CACNA1C: variants seen among roughly 807,000 people sequenced by gnomAD.
The protein encoded by CACNA1C is calcium voltage-gated channel subunit alpha1 C.
CACNA1C carries 30 observed loss-of-function variants against 229.0 expected under a neutral mutation model. The ratio of observed to expected loss-of-function variants is 0.13; its 90% CI spans 0.10 to 0.18. CACNA1C has a LOEUF of 0.18. Ranked by LOEUF, CACNA1C falls within the 10% of genes least tolerant of loss-of-function variation. The probability of loss-of-function intolerance (pLI) is 1.00; values close to 1 mark genes in which losing one functional copy is unlikely to be tolerated. For synonymous variants in CACNA1C, 1,114 were observed against 1,132.5 expected, an observed-to-expected ratio of 0.98 and a Z score of 0.33; for missense variants, 1,658 against 2,845.0, an observed-to-expected ratio of 0.58 and a Z score of 9.49.
intron 3 of CACNA1C, among the ~76,000 whole-genome samples, chr12:2,393,297 G>T (rs917810333): frequency 6.6e-6 from 1 of 152,214 alleles, no homozygotes; most frequent in African/African-American, 2.4e-5. Context: ...AAGCAGAGAA[G>T]GGGTGAGTGG....
At chr12:2,266,266 C>A (rs1402627627) in intron 3 of CACNA1C, among the ~76,000 whole-genome samples, 3 of 152,218 alleles carry the variant, frequency 2.0e-5, no homozygotes, top group African/African-American at 7.2e-5. Context: ...GCCGGGCGGG[C>A]AGTACTGGGG....
chr12:2,344,665 C>G (rs1316689762), intron 3 of CACNA1C, among the ~76,000 whole-genome samples: 1 of 152,074 alleles, frequency 6.6e-6, no homozygotes, highest in East Asian at 1.9e-4. Context: ...CACAGCACAC[C>G]TCACTCCCAG....
intron 42 of CACNA1C, 29 bp from the exon 43 acceptor site, chr12:2,682,521 G>A (rs374603071): frequency 3.4e-5 from 55 of 1,606,696 alleles, no homozygotes; most frequent in African/African-American, 3.1e-4. Flanking sequence ...GGCAGTTTCT[G>A]ATGTTTTTCT....
rs112680750 is a variant in CACNA1C at position 2,120,656 on chromosome 12, C to CTGTGTG, written c.477+262_477+267dup. On this transcript the variant is annotated intron_variant, in intron 3 of 46. Transcript: ENST00000399655. ...TATTCCAGTTAGGTGGTGGTGAGCTCTGTGTGTGTGTGTGTGTGTGTGTGT... is the reference window on the plus strand; with the variant it reads ...TATTCCAGTTAGGTGGTGGTGAGCTCTGTGTGTGTGTGTGTGTGTGTGTGTGTGTGT... Among the ~76,000 whole-genome samples, 8,364 of 139,734 alleles carry CTGTGTG rather than the reference C, an allele frequency of 0.06. 275 individuals are homozygous for CTGTGTG. The highest frequency in any genetic ancestry group is 0.11 in the East Asian group (479 of 4,530). The allele number at this position is 139,734 out of a possible 152,430, so 91.7% of individuals were successfully genotyped here.
In CACNA1C at chr12:2,309,092, G is replaced by A. The variant is rs138839547; in HGVS notation, c.478-139884G>A. Among the ~76,000 whole-genome samples, 330 of 152,276 alleles carry A rather than the reference G, an allele frequency of 2.2e-3. 1 individual carries two copies. Among genetic ancestry groups the A allele is most frequent in the African/African-American group, 7.7e-3 (320 of 41,536 alleles). ...AATAGCCAAGATATTGAAACAACCT[G>A]AGTGTTAGCTGGCAGATGAATAAAG... On this transcript the variant is annotated intron_variant, in intron 3 of 46. Transcript: ENST00000399655.
chr12:2,243,690 G>A (rs2071650212), intron 3 of CACNA1C, among the ~76,000 whole-genome samples: 1 of 152,200 alleles, frequency 6.6e-6, no homozygotes, highest in Admixed American at 6.5e-5. Context: ...TCATGAGTCT[G>A]TCCCTGGAAC....
chr12:2,166,068 C>T (rs552882270), intron 3 of CACNA1C, among the ~76,000 whole-genome samples: 9 of 152,290 alleles, frequency 5.9e-5, no homozygotes, highest in African/African-American at 2.2e-4. Context: ...GTCTTTTATC[C>T]ATTAATCCCA....
At chr12:2,676,057 A>G (rs2096795154) in intron 39 of CACNA1C, 1 of 152,258 alleles carries the variant, frequency 6.6e-6, no homozygotes. Context: ...AAGTTTGCTC[A>G]GGGAACTAAA....
At chr12:2,680,568 C>A (rs1353365134) in intron 42 of CACNA1C, 1 of 1,564,000 alleles carries the variant, frequency 6.4e-7, no homozygotes, top group Non-Finnish European at 8.7e-7. Flanking sequence ...AGCCCCCCAG[C>A]ATGCCAGGTT....
Position 2,053,454 on chromosome 12 carries a change from C to G in CACNA1C, c.-109C>G, listed in dbSNP as rs1027336919. On this transcript the variant is annotated 5_prime_UTR_variant, in exon 1 of 47. Coordinates refer to ENST00000399655, the MANE Select transcript of CACNA1C (RefSeq NM_000719.7). This position sits in a 1 kb window ranked among gnomAD's most constrained non-coding sequence, Gnocchi z 5.8. ...CAGACCACGGCTTCCTCGAATCTTG[C>G]GCGAAAGCCGCCGGCCTCGGAGGAG... The G allele has an allele frequency of 6.8e-7, 1 of 1,476,800 alleles. No individual in the cohort carries two copies. The highest frequency in any genetic ancestry group is 9.0e-7 in the Non-Finnish European group (1 of 1,106,288). The allele number at this position is 1,476,800 out of a possible 1,614,324, so 91.5% of individuals were successfully genotyped here.
intron 29 of CACNA1C, among the ~76,000 whole-genome samples, chr12:2,623,020 G>C (rs940836898): frequency 1.3e-5 from 2 of 152,152 alleles, no homozygotes; most frequent in Admixed American, 6.5e-5. Flanking sequence ...GTAGTCTTTC[G>C]ATGTACAGGG....
At chr12:2,359,384 G>A (rs1287991175) in intron 3 of CACNA1C, among the ~76,000 whole-genome samples, 5 of 152,122 alleles carry the variant, frequency 3.3e-5, no homozygotes, top group Admixed American at 3.3e-4. Context: ...AAACTTTTGG[G>A]GTGTGTTACC....
intron 18 of CACNA1C, among the ~76,000 whole-genome samples, chr12:2,588,192 C>A (rs2063400327): frequency 6.6e-6 from 1 of 152,220 alleles, no homozygotes; most frequent in Non-Finnish European, 1.5e-5. Flanking sequence ...TGGTTCCTTC[C>A]TGCTTCTTGT....
At chr12:2,688,813 C>T (rs762909790) in intron 46 of CACNA1C, 34 bp downstream of exon 46, 2 of 1,434,168 alleles carry the variant, frequency 1.4e-6, no homozygotes, top group African/African-American at 2.9e-5. Context: ...GGGGGAGAGG[C>T]CACGGGCAAC....
At position 2,608,715 on chromosome 12, in the gene CACNA1C, A is replaced by G. The variant is rs2076338265; in HGVS notation, c.3558+3A>G. 1.2e-6 allele frequency: 2 copies of G among 1,613,844 alleles called. No homozygotes were observed. Among genetic ancestry groups the G allele is most frequent in the Non-Finnish European group, 1.7e-6 (2 of 1,179,862 alleles). On this transcript the variant is annotated splice_donor_region_variant and intron_variant, in intron 27 of 46. Coordinates refer to ENST00000399655, the MANE Select transcript of CACNA1C (RefSeq NM_000719.7). This position sits in a 1 kb window ranked among gnomAD's most constrained non-coding sequence, Gnocchi z 4.2. ...ACTGTGAGCTGGACAAGAACCAGGT[A>G]GCTTCCTAGGAAGGAGCGGAGGGAA...
At chr12:2,096,980 TGACG>T in intron 1 of CACNA1C, among the ~76,000 whole-genome samples, 1 of 152,350 alleles carries the variant, frequency 6.6e-6, no homozygotes, top group East Asian at 1.9e-4. Context: ...ATCCATTTGT[TGACG>T]GACACTTGGG....
intron 3 of CACNA1C, among the ~76,000 whole-genome samples, chr12:2,336,245 C>T (rs138192337): frequency 7.9e-4 from 121 of 152,300 alleles, no homozygotes; most frequent in Admixed American, 2.8e-3. Context: ...TTATTCCAAC[C>T]TATCTTTCTA....
chr12:1,991,829 A>G (rs890916099), intron 1 of CACNA1C: 1 of 154,286 alleles, frequency 6.5e-6, no homozygotes, highest in Non-Finnish European at 1.4e-5. Flanking sequence ...TGTGATCTAT[A>G]ATAAGAATTT....
At chr12:2,312,582 C>G (rs749750856) in intron 3 of CACNA1C, among the ~76,000 whole-genome samples, 1 of 152,214 alleles carries the variant, frequency 6.6e-6, no homozygotes, top group Non-Finnish European at 1.5e-5. Context: ...TATGACACAG[C>G]TTCCAGACCC....
Sources: gnomAD v4.1 joint callset for allele counts (sites outside exome capture counted in the v4.1 genomes callset) on GRCh38, gnomAD v4.1.1 for gene constraint, Gnocchi (gnomAD v3.1) non-coding constraint, MANE v1.5 for transcripts, NCBI Gene and HGNC (gene_info 2026-07-23, HGNC 2026-07-21) for gene names.